HTT: variants seen among roughly 807,000 people sequenced by gnomAD.
HTT encodes huntington disease protein.
In HTT, 104 loss-of-function variants were observed where a neutral mutation model predicts 362.3. The ratio of observed to expected loss-of-function variants is 0.29; its 90% CI spans 0.24 to 0.34. HTT has a LOEUF of 0.34. HTT is among the 10% of genes least tolerant of loss of function. The pLI is 1.00. For synonymous variants in HTT, 1,577 were observed against 1,548.7 expected (o/e 1.02, Z -0.43); for missense variants, 3,301 against 3,928.6 (o/e 0.84, Z 4.27).
intron 33 of HTT, among the ~76,000 whole-genome samples, chr4:3,176,935 G>C (rs193128030): frequency 6.6e-6 from 1 of 152,152 alleles, no homozygotes; most frequent in Non-Finnish European, 1.5e-5. Context: ...CAGCCCTTAC[G>C]TGTCGCCTCT....
At chr4:3,238,010 T>G (rs1025197716) in intron 64 of HTT, among the ~76,000 whole-genome samples, 2 of 152,380 alleles carry the variant, frequency 1.3e-5, no homozygotes, top group Admixed American at 1.3e-4. Context: ...TCTTTTGTTA[T>G]GATTTTTAAA....
chr4:3,166,653 C>G (rs1306746379), intron 29 of HTT, among the ~76,000 whole-genome samples: 43 of 152,236 alleles, frequency 2.8e-4, no homozygotes, highest in Non-Finnish European at 4.4e-5. Flanking sequence ...TGGTGGACAC[C>G]CCTCCCCCAG....
At chr4:3,238,053 G>A (rs922013725) in intron 64 of HTT, among the ~76,000 whole-genome samples, 3 of 152,188 alleles carry the variant, frequency 2.0e-5, no homozygotes, top group Non-Finnish European at 2.9e-5. Flanking sequence ...CCGCTGCGCC[G>A]TTTCTGCATA....
At chr4:3,075,648 A>AGGGGGGGGGCGGGGGGGGAG (rs1712493171) in intron 1 of HTT, among the ~76,000 whole-genome samples, 1 of 54,362 alleles carries the variant, frequency 1.8e-5, no homozygotes, top group Non-Finnish European at 4.0e-5. Flanking sequence ...GTGGCGGGGC[A>AGGGGGGGGGCGGGGGGGGAG]GGGGGGGGGC....
At chr4:3,199,605 G>C (rs1719433004) in intron 40 of HTT, 127 bp from the exon 41 acceptor site, 3 of 713,756 alleles carry the variant, frequency 4.2e-6, no homozygotes, top group Non-Finnish European at 7.0e-6. Flanking sequence ...CTAAATGCCA[G>C]GTGTTCTGAA....
rs1720505825 is a variant in HTT, at chr4:3,218,223, C to T, written c.7242+271C>T. 6.6e-6 allele frequency among the ~76,000 whole-genome samples: 1 copy of T among 152,230 alleles called. No individual in the cohort carries two copies. Among genetic ancestry groups the T allele is most frequent in the South Asian group, 2.1e-4 (1 of 4,834 alleles). On this transcript the variant is annotated intron_variant, in intron 52 of 66. Transcript: ENST00000355072. The surrounding 1 kb of genome is among the most constrained non-coding windows in gnomAD (Gnocchi z 4.4). ...TAGACCTGATTCTAGAGCAACTAGA[C>T]CACTTTGCTTAATAGCAGACCAGAA...
intron 22 of HTT, among the ~76,000 whole-genome samples, chr4:3,142,191 C>G (rs1419423550): frequency 6.6e-6 from 1 of 152,182 alleles, no homozygotes; most frequent in Non-Finnish European, 1.5e-5. Flanking sequence ...TGTTAGCATT[C>G]ATGTGTTAAC....
At chr4:3,120,588 G>A (rs542505127) in intron 8 of HTT, among the ~76,000 whole-genome samples, 1 of 152,334 alleles carries the variant, frequency 6.6e-6, no homozygotes, top group East Asian at 1.9e-4. Context: ...CAGATCAGTG[G>A]CAGCATTAGA....
chr4:3,208,934 TGGGAGGCACAG>T, intron 46 of HTT, 23 bp downstream of exon 46: 1 of 1,601,230 alleles, frequency 6.2e-7, no homozygotes, highest in South Asian at 1.1e-5. Context: ...CGTGTCTGCA[TGGGAGGCACAG>T]GGCGCTGAGT....
At position 3,208,918 on chromosome 4, in the gene HTT, G is replaced by A. The variant is rs1720002462; in HGVS notation, c.6291+7G>A. The A allele has an allele frequency of 2.5e-6, 4 of 1,608,050 alleles. No homozygotes were observed. The highest frequency in any genetic ancestry group is 3.4e-6 in the Non-Finnish European group (4 of 1,178,124). On this transcript the variant is annotated splice_region_variant and intron_variant, in intron 46 of 66. Coordinates refer to ENST00000355072, the MANE Select transcript of HTT (RefSeq NM_001388492.1). ...AACAGTGAGTCCGGACAAAGTAAGTGTCCAGCGTGTCTGCATGGGAGGCAC... is the reference window on the plus strand; with the variant it reads ...AACAGTGAGTCCGGACAAAGTAAGTATCCAGCGTGTCTGCATGGGAGGCAC...
intron 60 of HTT, 32 bp from the exon 61 acceptor site, chr4:3,233,131 G>C: frequency 6.5e-7 from 1 of 1,549,502 alleles, no homozygotes; most frequent in Non-Finnish European, 8.8e-7. Flanking sequence ...AGCTCTGGTG[G>C]CATGCAGCAG....
At chr4:3,215,302 T>G (rs1720345624) in intron 51 of HTT, 91 bp downstream of exon 51, 1 of 902,276 alleles carries the variant, frequency 1.1e-6, no homozygotes, top group Admixed American at 2.1e-5. Context: ...GAGTGTGGAC[T>G]CCTGGAAGCG....
intron 6 of HTT, chr4:3,113,073 A>G (rs914423838): frequency 1.3e-4 from 118 of 936,808 alleles, no homozygotes; most frequent in Admixed American, 1.9e-4. Context: ...CATGTGTTGA[A>G]AAGTGGCACT....
At chr4:3,213,307 C>T (rs1229745394) in intron 49 of HTT, among the ~76,000 whole-genome samples, 2 of 152,322 alleles carry the variant, frequency 1.3e-5, no homozygotes, top group East Asian at 3.9e-4. Flanking sequence ...GTTTGTGATC[C>T]CTGTCCTTCA....
chr4:3,196,590 T>C (rs1316544039), intron 40 of HTT, among the ~76,000 whole-genome samples: 1 of 151,918 alleles, frequency 6.6e-6, no homozygotes, highest in African/African-American at 2.4e-5. Flanking sequence ...ATACAAAAAT[T>C]AGCTGGGCAT....
At chr4:3,153,466 C>A (rs1716998355) in intron 26 of HTT, among the ~76,000 whole-genome samples, 1 of 152,166 alleles carries the variant, frequency 6.6e-6, no homozygotes, top group Admixed American at 6.5e-5. Flanking sequence ...CATTGGGAGT[C>A]TCGATGTTCT....
chr4:3,101,601 TG>T (rs1209653094), intron 3 of HTT, among the ~76,000 whole-genome samples: 1 of 152,230 alleles, frequency 6.6e-6, no homozygotes, highest in Non-Finnish European at 1.5e-5. Flanking sequence ...CTCATGAGTA[TG>T]GCTGTGTGTG....
At chr4:3,094,087 T>A (rs1249233275) in intron 2 of HTT, among the ~76,000 whole-genome samples, 14 of 151,910 alleles carry the variant, frequency 9.2e-5, no homozygotes, top group Non-Finnish European at 1.8e-4. Context: ...TTTGTGTCCC[T>A]GGGTACTTGA....
At chr4:3,084,038 A>G (rs146831034) in intron 1 of HTT, among the ~76,000 whole-genome samples, 21 of 152,232 alleles carry the variant, frequency 1.4e-4, no homozygotes, top group East Asian at 9.6e-4. Context: ...TTTTTTTGCA[A>G]TGGCACAGTT....
Sources: allele counts gnomAD v4.1 joint callset (sites outside exome capture counted in the v4.1 genomes callset), GRCh38; gene constraint gnomAD v4.1.1; non-coding constraint Gnocchi (gnomAD v3.1); transcripts MANE v1.5; gene names NCBI Gene and HGNC (gene_info 2026-07-23, HGNC 2026-07-21).